Variants in CD44 observed in about 807,000 individuals in gnomAD.
The protein encoded by CD44 is CD44 antigen.
In CD44, 49 loss-of-function variants were observed where a neutral mutation model predicts 88.8. The ratio of observed to expected loss-of-function variants is 0.55; its 90% CI spans 0.44 to 0.70. The LOEUF is 0.70. CD44 is among the 30% of genes least tolerant of loss of function. The probability of loss-of-function intolerance (pLI) is 0.00; values close to 1 mark genes in which losing one functional copy is unlikely to be tolerated. For missense variants in CD44, 883 were observed against 913.8 expected (o/e 0.97, Z 0.43); for synonymous variants, 325 against 312.3 (o/e 1.04, Z -0.43).
At position 35,198,211 on chromosome 11, in the gene CD44, G is replaced by T. The variant is rs1384467644; in HGVS notation, c.887G>T (p.Gly296Val). The change falls in exon 7 of 18, where the codon GGC (glycine) becomes GTC (valine). Residue 296 changes from glycine (G) to valine (V), a missense_variant. By Grantham distance (109) the Gly-to-Val change is moderately radical. Transcript: ENST00000428726. ...AGACACCTCAGTTTTTCTGGATCAGGCATTGATGATGATGAAGATTTTATC... is the reference window on the plus strand; with the variant it reads ...AGACACCTCAGTTTTTCTGGATCAGTCATTGATGATGATGAAGATTTTATC... ...RDRHLSFSGSGIDDDEDFISS... is the reference protein window; with the variant it reads ...RDRHLSFSGSVIDDDEDFISS... The T allele has an allele frequency of 1.2e-6, 2 of 1,613,962 alleles. No individual in the cohort carries two copies. Among genetic ancestry groups the T allele is most frequent in the South Asian group, 2.2e-5 (2 of 91,082 alleles).
chr11:35,163,342 A>G (rs556267928), intron 1 of CD44, among the ~76,000 whole-genome samples: 6 of 151,916 alleles, frequency 3.9e-5, no homozygotes, highest in African/African-American at 1.4e-4. Flanking sequence ...AGCTTCTTTG[A>G]GTAACAGGGA....
chr11:35,215,348 A>G (rs186056098), intron 15 of CD44, among the ~76,000 whole-genome samples: 1 of 152,246 alleles, frequency 6.6e-6, no homozygotes, highest in African/African-American at 2.4e-5. Context: ...ACTGAGCAAG[A>G]TGCTTTAAAG....
chr11:35,187,314 CTAAG>C (rs1332505554), intron 4 of CD44, among the ~76,000 whole-genome samples: 2 of 152,100 alleles, frequency 1.3e-5, no homozygotes, highest in Non-Finnish European at 2.9e-5. Context: ...TTCCCTAAGA[CTAAG>C]TAAGGACAGT....
chr11:35,227,824 G>A (rs1243453516), intron 17 of CD44, among the ~76,000 whole-genome samples: 20 of 152,166 alleles, frequency 1.3e-4, no homozygotes, highest in Admixed American at 1.3e-3. Flanking sequence ...ACAGAGCCAG[G>A]CAGAGCCCAG....
chr11:35,206,320 A>G, intron 11 of CD44, 77 bp downstream of exon 11: 1 of 1,451,590 alleles, frequency 6.9e-7, no homozygotes, highest in Non-Finnish European at 9.3e-7. Flanking sequence ...TTCTAGAAAT[A>G]TGCCCTTGGT....
At position 35,219,153 on chromosome 11, in the gene CD44, G is replaced by A. The variant is rs549444098; in HGVS notation, c.1874-163G>A. 1.1e-5 allele frequency: 7 copies of A among 614,898 alleles called. No individual in the cohort carries two copies. In the East Asian group the frequency reaches 1.9e-4, roughly 17 times the overall value. 38.1% of individuals were successfully genotyped at this position (614,898 alleles called of 1,614,324 possible). A position where few individuals can be genotyped will look rare whatever the true frequency, so the allele number is the denominator to read the frequency against. ...CTTAGCCTTAATCAAATGAGGTGGG[G>A]GGGAAATCTTTTGTGTAATGCTTTA... is the stretch of plus-strand genomic sequence containing the variant. On this transcript the variant is annotated intron_variant, in intron 15 of 17. Coordinates refer to ENST00000428726, the MANE Select transcript of CD44 (RefSeq NM_000610.4).
At chr11:35,141,517 G>A (rs2132951005) in intron 1 of CD44, among the ~76,000 whole-genome samples, 1 of 152,260 alleles carries the variant, frequency 6.6e-6, no homozygotes, top group East Asian at 1.9e-4. Context: ...AAGTTTATTT[G>A]TATGTTACCT....
rs1949972268 is a variant in CD44 at position 35,229,830 on chromosome 11, T to C, written c.*497T>C. The C allele has an allele frequency of 6.3e-6, 1 of 159,094 alleles. No homozygotes were observed. The highest frequency in any genetic ancestry group is 1.9e-4 in the South Asian group (1 of 5,320). The allele number at this position is 159,094 out of a possible 1,614,324, so 9.9% of individuals were successfully genotyped here. On this transcript the variant is annotated 3_prime_UTR_variant, in exon 18 of 18. Transcript: ENST00000428726. ...TTACACATCTTCAACAGACCCCCTC[T>C]AGAAATTTTTCAGATGCTTCTGGGA...
intron 6 of CD44, chr11:35,197,270 A>G (rs552823667): frequency 1.9e-4 from 30 of 161,432 alleles, no homozygotes; most frequent in Admixed American, 3.0e-4. Context: ...ATCTTCATCA[A>G]TGGAACTATT....
chr11:35,210,331 T>G (rs1056795142), intron 13 of CD44: 1 of 197,746 alleles, frequency 5.1e-6, no homozygotes, highest in Admixed American at 6.0e-5. Flanking sequence ...TTATATATGA[T>G]TTATTTTATT....
intron 12 of CD44, among the ~76,000 whole-genome samples, chr11:35,209,017 A>C (rs1948156851): frequency 6.6e-6 from 1 of 152,196 alleles, no homozygotes. Flanking sequence ...GATGCAAATA[A>C]GCCTATGAAT....
In CD44 at chr11:35,211,410, G is replaced by C. The variant is rs144241464; in HGVS notation, c.1771G>C (p.Val591Leu). Residue 591 changes from valine to leucine, a missense_variant, in exon 14 of 18, where the codon GTT becomes CTT. Physicochemically the swap from Val to Leu is conservative, Grantham distance 32 (BLOSUM62 1). Coordinates refer to ENST00000428726, the MANE Select transcript of CD44 (RefSeq NM_000610.4). ...TGSFGVTAVT[V>L]GDSNSNVNRS... ...GTCCTTTGGAGTTACTGCAGTTACTGTTGGAGATTCCAACTCTAATGTCAA... is the reference window on the plus strand; with the variant it reads ...GTCCTTTGGAGTTACTGCAGTTACTCTTGGAGATTCCAACTCTAATGTCAA... 4 of 1,613,848 alleles carry C rather than the reference G, an allele frequency of 2.5e-6. No homozygotes were observed. Among genetic ancestry groups the C allele is most frequent in the Admixed American group, 3.3e-5 (2 of 59,996 alleles).
rs753639479 is a variant in CD44 at position 35,198,153 on chromosome 11, G to C, written c.829G>C (p.Glu277Gln). 1 of 1,613,940 alleles carries C rather than the reference G, an allele frequency of 6.2e-7. No homozygotes were observed. Residue 277 changes from glutamate to glutamine, a missense_variant, in exon 7 of 18, where the codon GAG becomes CAG. Physicochemically the swap from Glu to Gln is conservative, Grantham distance 29 (BLOSUM62 2). Around this residue, in one of 2 missense-constraint regions of CD44, gnomAD observed 631 missense variants for 590.9 expected, o/e 1.07. Transcript: ENST00000428726. ...TTCAAATACCATCTCAGCAGGCTGG[G>C]AGCCAAATGAAGAAAATGAAGATGA... Reference protein sequence around the residue: ...TSSNTISAGWEPNEENEDERD... With the variant: ...TSSNTISAGWQPNEENEDERD...
At chr11:35,193,617 T>C (rs1946477525) in intron 5 of CD44, among the ~76,000 whole-genome samples, 1 of 152,240 alleles carries the variant, frequency 6.6e-6, no homozygotes, top group South Asian at 2.1e-4. Context: ...TCAGCTGGCT[T>C]AAATTAGATA....
At chr11:35,150,135 C>T (rs1860023660) in intron 1 of CD44, among the ~76,000 whole-genome samples, 1 of 152,218 alleles carries the variant, frequency 6.6e-6, no homozygotes, top group African/African-American at 2.4e-5. Flanking sequence ...GTTCCCTTCA[C>T]TCTCAGAGCT....
At chr11:35,191,853 C>A (rs556727466) in intron 5 of CD44, among the ~76,000 whole-genome samples, 2 of 152,282 alleles carry the variant, frequency 1.3e-5, no homozygotes, top group African/African-American at 4.8e-5. Flanking sequence ...ATTTTGAGAA[C>A]CTACTACGTA....
At chr11:35,185,666 C>A (rs910616584) in intron 3 of CD44, among the ~76,000 whole-genome samples, 2 of 152,130 alleles carry the variant, frequency 1.3e-5, no homozygotes, top group African/African-American at 2.4e-5. Context: ...AGAAACTAAC[C>A]TAACAAATAA....
intron 5 of CD44, among the ~76,000 whole-genome samples, chr11:35,195,793 T>C (rs1489188433): frequency 6.6e-6 from 1 of 152,104 alleles, no homozygotes; most frequent in Non-Finnish European, 1.5e-5. Context: ...TTCATCTCTG[T>C]CTGTCTTTCC....
At chr11:35,189,572 C>A (rs977614620) in intron 4 of CD44, among the ~76,000 whole-genome samples, 5 of 152,158 alleles carry the variant, frequency 3.3e-5, no homozygotes, top group African/African-American at 1.2e-4. Flanking sequence ...TCAGAGTTGC[C>A]TTGTCCAGAG....
Sources: allele counts gnomAD v4.1 joint callset (sites outside exome capture counted in the v4.1 genomes callset), GRCh38; gene constraint gnomAD v4.1.1; regional missense constraint gnomAD v4.1.1; transcripts MANE v1.5; gene names NCBI Gene and HGNC (gene_info 2026-07-23, HGNC 2026-07-21).